The following ACER2 variants were observed in gnomAD, a reference collection of about 807,000 sequenced individuals.
The protein encoded by ACER2 is alkCDase 2.
Under a neutral mutation model 34.7 loss-of-function variants are expected in ACER2, and 26 were observed. The observed-to-expected ratio is 0.75, with a 90% CI of 0.55 to 1.04. The LOEUF (loss-of-function observed/expected upper bound fraction) is 1.04. Among genes scored for constraint, ACER2 ranks in the 50% least tolerant of loss-of-function variants. The pLI is 0.00. For synonymous variants in ACER2, 138 were observed against 132.1 expected (o/e 1.04, Z -0.31); for missense variants, 352 against 340.8 (o/e 1.03, Z -0.26).
At chr9:19,418,380 A>G (rs1453053427) in intron 1 of ACER2, among the ~76,000 whole-genome samples, 1 of 152,208 alleles carries the variant, frequency 6.6e-6, no homozygotes, top group Admixed American at 6.5e-5. Flanking sequence ...TCATTCTACT[A>G]TAAAGACACA....
chr9:19,412,163 G>A (rs1443272327), intron 1 of ACER2, among the ~76,000 whole-genome samples: 1 of 151,966 alleles, frequency 6.6e-6, no homozygotes, highest in East Asian at 1.9e-4. Flanking sequence ...TTTATCTCTA[G>A]GATAAAACTC....
At chr9:19,418,792 A>G (rs988121484) in intron 1 of ACER2, among the ~76,000 whole-genome samples, 1 of 152,208 alleles carries the variant, frequency 6.6e-6, no homozygotes, top group Non-Finnish European at 1.5e-5. Context: ...GTGTATAGCT[A>G]TGTAACAAAC....
intron 4 of ACER2, among the ~76,000 whole-genome samples, chr9:19,445,130 G>C (rs1372877654): frequency 6.6e-6 from 1 of 152,236 alleles, no homozygotes; most frequent in East Asian, 1.9e-4. Flanking sequence ...CCTCCGGGAA[G>C]AAGGACGCTC....
intron 4 of ACER2, among the ~76,000 whole-genome samples, chr9:19,438,475 A>G (rs1198615647): frequency 1.3e-5 from 2 of 152,212 alleles, no homozygotes; most frequent in East Asian, 3.8e-4. Flanking sequence ...ACCTGGAGGG[A>G]CTGGCTCCTG....
In ACER2 at chr9:19,450,632, C is replaced by T. The variant is rs1435612281; in HGVS notation, c.824C>T (p.Thr275Met). The change falls in exon 6 of 6, where the codon ACG (threonine) becomes ATG (methionine). Residue 275 changes from threonine (T) to methionine (M), a missense_variant. Physicochemically the swap from Thr to Met is moderately conservative, Grantham distance 81. Coordinates refer to ENST00000340967, the MANE Select transcript of ACER2 (RefSeq NM_001010887.3). Reference sequence around the variant, plus strand: ...AACAAGAAATCATCAGTCAAGATCACGTGATGGCAAGATGGTGGCTGGCTT... The same window carrying T: ...AACAAGAAATCATCAGTCAAGATCATGTGATGGCAAGATGGTGGCTGGCTT... The part of the protein sequence containing the change: ...CANKKSSVKI[T>M] 2.1e-5 allele frequency: 32 copies of T among 1,548,732 alleles called. No individual in the cohort carries two copies. Among genetic ancestry groups the T allele is most frequent in the South Asian group, 1.4e-4 (12 of 83,806 alleles).
chr9:19,451,947 C>G lies in ACER2; in HGVS notation c.*1311C>G, dbSNP rs970004586. On this transcript the variant is annotated 3_prime_UTR_variant, in exon 6 of 6. Transcript: ENST00000340967. Reference sequence around the variant, plus strand: ...TTTCCCAGAGTATCCAACGGCTCACCTTTCTCAAGTGCTGGCAGTAGCTAT... The same window carrying G: ...TTTCCCAGAGTATCCAACGGCTCACGTTTCTCAAGTGCTGGCAGTAGCTAT... The G allele has an allele frequency of 1.7e-5, 2 of 116,542 alleles. No individual in the cohort carries two copies. The highest frequency in any genetic ancestry group is 5.3e-5 in the African/African-American group (2 of 37,814). 7.2% of individuals were successfully genotyped at this position (116,542 alleles called of 1,614,324 possible).
intron 1 of ACER2, among the ~76,000 whole-genome samples, chr9:19,412,925 A>G (rs1482571041): frequency 6.6e-6 from 1 of 151,770 alleles, no homozygotes; most frequent in Admixed American, 6.6e-5. Context: ...TATTGTTTTC[A>G]TTTTGGTTTT....
intron 4 of ACER2, among the ~76,000 whole-genome samples, chr9:19,436,647 T>C (rs1830987375): frequency 6.6e-6 from 1 of 152,200 alleles, no homozygotes; most frequent in Non-Finnish European, 1.5e-5. Flanking sequence ...GTAGTCCTCC[T>C]TCTCTGTAAA....
chr9:19,419,961 G>A (rs537206136), intron 1 of ACER2, among the ~76,000 whole-genome samples: 39 of 151,942 alleles, frequency 2.6e-4, no homozygotes, highest in African/African-American at 9.2e-4. Context: ...TCTTTCTCCC[G>A]TTTCTAAAAA....
chr9:19,435,171 AGAG>A, intron 4 of ACER2, 87 bp downstream of exon 4: 1 of 1,486,770 alleles, frequency 6.7e-7, no homozygotes, highest in South Asian at 1.3e-5. Flanking sequence ...CTGTAGCAGA[AGAG>A]GAGTTTTATT....
rs1831597008 is a variant in ACER2 at position 19,452,505 on chromosome 9, A to C, written c.*1869A>C. 6.6e-6 allele frequency among the ~76,000 whole-genome samples: 1 copy of C among 152,218 alleles called. No homozygotes were observed. Among genetic ancestry groups the C allele is most frequent in the East Asian group, 1.9e-4 (1 of 5,200 alleles). On this transcript the variant is annotated 3_prime_UTR_variant, in exon 6 of 6. Coordinates refer to ENST00000340967, the MANE Select transcript of ACER2 (RefSeq NM_001010887.3). ...TGTTATTAAATTTATTTAAGGTTAA[A>C]TTTATGGCATTTACTTAATAATATA...
intron 3 of ACER2, among the ~76,000 whole-genome samples, chr9:19,430,973 A>T (rs1193533523): frequency 6.6e-6 from 1 of 151,602 alleles, no homozygotes; most frequent in East Asian, 1.9e-4. Flanking sequence ...AAACAAAAAA[A>T]CAAAAAACCC....
chr9:19,448,622 G>A (rs1020244128), intron 5 of ACER2, among the ~76,000 whole-genome samples: 1 of 152,084 alleles, frequency 6.6e-6, no homozygotes, highest in African/African-American at 2.4e-5. Context: ...CATTAACACT[G>A]TTTACTGAAG....
chr9:19,415,003 A>G (rs1207942673), intron 1 of ACER2, among the ~76,000 whole-genome samples: 1 of 152,020 alleles, frequency 6.6e-6, no homozygotes, highest in Non-Finnish European at 1.5e-5. Flanking sequence ...GTGTTCCTTC[A>G]TCTTTTTCTC....
chr9:19,420,827 C>T (rs1160061946), intron 1 of ACER2, among the ~76,000 whole-genome samples: 1 of 152,168 alleles, frequency 6.6e-6, no homozygotes, highest in African/African-American at 2.4e-5. Context: ...GCTACACCCT[C>T]ACATGGTGGG....
rs568599129 is a variant in ACER2 at position 19,428,893 on chromosome 9, G to T, written c.365+4052G>T. Among the ~76,000 whole-genome samples the T allele has an allele frequency of 4.4e-5, 6 of 137,596 alleles. No individual in the cohort carries two copies. In the East Asian group the frequency reaches 1.4e-3, roughly 32 times the overall value. The allele number at this position is 137,596 out of a possible 152,430, so 90.3% of individuals were successfully genotyped here. ...CAACCTCTGCCTCCTGGGTTCAAAT[G>T]ATTCTCCTGCCTCAGCCTCCCAAGT... is the stretch of plus-strand genomic sequence containing the variant. On this transcript the variant is annotated intron_variant, in intron 3 of 5. Transcript: ENST00000340967.
chr9:19,418,241 T>C (rs1830293918), intron 1 of ACER2, among the ~76,000 whole-genome samples: 1 of 152,190 alleles, frequency 6.6e-6, no homozygotes, highest in Non-Finnish European at 1.5e-5. Flanking sequence ...ACTTTTACAC[T>C]GTTGGTGGGA....
At chr9:19,414,486 A>C (rs776007936) in intron 1 of ACER2, among the ~76,000 whole-genome samples, 4 of 152,214 alleles carry the variant, frequency 2.6e-5, no homozygotes, top group Non-Finnish European at 5.9e-5. Flanking sequence ...GAAATAATAC[A>C]TTTTAAAAAT....
intron 5 of ACER2, 56 bp from the exon 6 acceptor site, chr9:19,450,394 C>A (rs965146145): frequency 1.4e-6 from 2 of 1,480,104 alleles, no homozygotes; most frequent in Non-Finnish European, 1.8e-6. Context: ...AGGCTAAACT[C>A]AGGGCAGCGG....
Sources: allele counts gnomAD v4.1 joint callset (sites outside exome capture counted in the v4.1 genomes callset), GRCh38; gene constraint gnomAD v4.1.1; transcripts MANE v1.5; gene names NCBI Gene and HGNC (gene_info 2026-07-23, HGNC 2026-07-21).